PAPPA2: variants seen among roughly 807,000 people sequenced by gnomAD.
The protein encoded by PAPPA2 is pappalysin 2, also known as pappalysin-2.
In PAPPA2, 86 loss-of-function variants were observed where a neutral mutation model predicts 176.4. The ratio of observed to expected loss-of-function variants is 0.49; its 90% CI spans 0.41 to 0.58. PAPPA2 has a LOEUF of 0.58. Among genes scored for constraint, PAPPA2 ranks in the 20% least tolerant of loss-of-function variants. PAPPA2 has a pLI of 0.00. For missense variants in PAPPA2, 2,073 were observed against 2,256.9 expected, an observed-to-expected ratio of 0.92 and a Z score of 1.65; for synonymous variants, 809 against 852.2, an observed-to-expected ratio of 0.95 and a Z score of 0.88.
chr1:176,716,605 T>C (rs957302293), intron 12 of PAPPA2, among the ~76,000 whole-genome samples: 15 of 124,750 alleles, frequency 1.2e-4, no homozygotes, highest in African/African-American at 3.6e-4. Flanking sequence ...CTTCCTTCTT[T>C]TTTTTTTTTT....
chr1:176,782,892 A>G lies in PAPPA2; in HGVS notation c.4716-6917A>G, dbSNP rs1466149720. 4.6e-5 allele frequency among the ~76,000 whole-genome samples: 7 copies of G among 152,168 alleles called. No homozygotes were observed. In the East Asian group the frequency reaches 1.2e-3, roughly 25 times the overall value. On this transcript the variant is annotated intron_variant, in intron 17 of 22. Coordinates refer to ENST00000367662, the MANE Select transcript of PAPPA2 (RefSeq NM_020318.3). The stretch of plus-strand genomic sequence containing the variant: ...AGGTGAGAGTTGGTGGCTTGTGTTA[A>G]TGTTTGTGGTAATGCTGAAGTATAG...
rs12137517 is a variant in PAPPA2, at chr1:176,842,782, G to A, written c.*328G>A. 0.076 allele frequency: 17,348 copies of A among 228,088 alleles called. 741 individuals are homozygous for A. Among genetic ancestry groups the A allele is most frequent in the Non-Finnish European group, 0.087 (10,057 of 115,494 alleles). The allele number at this position is 228,088 out of a possible 1,614,324, so 14.1% of individuals were successfully genotyped here. A position where few individuals can be genotyped will look rare whatever the true frequency, so the allele number is the denominator to read the frequency against. On this transcript the variant is annotated 3_prime_UTR_variant, in exon 23 of 23. Transcript: ENST00000367662. ...ATCCTCAACTCTTGCCCTGCTCTCCGCTCCACCCCCTGCCAACTACTCAGT... is the reference window on the plus strand; with the variant it reads ...ATCCTCAACTCTTGCCCTGCTCTCCACTCCACCCCCTGCCAACTACTCAGT...
chr1:176,795,225 G>GC (rs1181477903), intron 20 of PAPPA2, among the ~76,000 whole-genome samples: 1 of 151,360 alleles, frequency 6.6e-6, no homozygotes, highest in East Asian at 1.9e-4. Context: ...CTTCTTTTCT[G>GC]CCATGCTAAT....
intron 17 of PAPPA2, among the ~76,000 whole-genome samples, chr1:176,776,363 G>A (rs1664457050): frequency 6.6e-6 from 1 of 152,122 alleles, no homozygotes; most frequent in Admixed American, 6.6e-5. Context: ...TCTGTGGGGT[G>A]CTATAGTGTC....
chr1:176,728,945 T>C (rs1337224708), intron 12 of PAPPA2, among the ~76,000 whole-genome samples: 2 of 151,954 alleles, frequency 1.3e-5, no homozygotes, highest in Non-Finnish European at 1.5e-5. Context: ...TTAATTAAGA[T>C]GATGGGAAAA....
At chr1:176,776,772 C>A (rs1190170862) in intron 17 of PAPPA2, among the ~76,000 whole-genome samples, 1 of 151,828 alleles carries the variant, frequency 6.6e-6, no homozygotes, top group Non-Finnish European at 1.5e-5. Context: ...ATTTTGTACA[C>A]AATACCCCAT....
At chr1:176,534,231 C>A (rs958043443) in intron 1 of PAPPA2, among the ~76,000 whole-genome samples, 8 of 152,174 alleles carry the variant, frequency 5.3e-5, no homozygotes, top group Non-Finnish European at 1.2e-4. Flanking sequence ...TAGCATTTCT[C>A]CCCTGTCACC....
chr1:176,564,830 C>T (rs1254138150), intron 2 of PAPPA2, among the ~76,000 whole-genome samples: 1 of 150,304 alleles, frequency 6.7e-6, no homozygotes, highest in East Asian at 2.0e-4. Flanking sequence ...AGACTTATCT[C>T]AACCTATTAT....
rs575399336 is a variant in PAPPA2, at chr1:176,709,788, G to GA, written c.3458-189dup. On this transcript the variant is annotated intron_variant, in intron 10 of 22. Transcript: ENST00000367662. ...ATGGTTTCTACCTTTCTCCCAATGA[G>GA]AAAAAATCCTTATTCTTTAGGGATG... Among the ~76,000 whole-genome samples the GA allele has an allele frequency of 3.1e-3, 478 of 152,100 alleles. 3 individuals are homozygous for GA. The highest frequency in any genetic ancestry group is 8.5e-3 in the African/African-American group (351 of 41,508).
At chr1:176,624,340 G>A (rs1000730456) in intron 3 of PAPPA2, among the ~76,000 whole-genome samples, 1 of 152,140 alleles carries the variant, frequency 6.6e-6, no homozygotes, top group Non-Finnish European at 1.5e-5. Flanking sequence ...GTACTACGGG[G>A]GTTCAGATTT....
Position 176,770,975 on chromosome 1 carries a change from C to T in PAPPA2, c.4510C>T (p.Pro1504Ser), listed in dbSNP as rs759848448. The T allele has an allele frequency of 1.5e-5, 25 of 1,613,802 alleles. 1 individual carries two copies. In the Admixed American group the frequency reaches 2.0e-4, roughly 13 times the overall value. The change falls in exon 17 of 23, where the codon CCA becomes TCA. Residue 1504 changes from proline to serine, a missense_variant. Pro to Ser is a moderately conservative substitution (Grantham distance 74, BLOSUM62 -1). Around this residue, in one of 4 missense-constraint regions of PAPPA2, gnomAD observed 846 missense variants for 857.9 expected, o/e 0.99. Transcript: ENST00000367662. ...VPPAKLQGLSPWLTCLEDGLW... is the reference protein window; with the variant it reads ...VPPAKLQGLSSWLTCLEDGLW... The stretch of plus-strand genomic sequence containing the variant: ...CTCTTTCCTGGAGTCAGGACTGAGC[C>T]CATGGCTGACATGTCTTGAAGATGG...
intron 14 of PAPPA2, among the ~76,000 whole-genome samples, chr1:176,764,808 G>A (rs1663874877): frequency 6.6e-6 from 1 of 152,258 alleles, no homozygotes; most frequent in Admixed American, 6.5e-5. Context: ...GTGTTAGCCA[G>A]GACAGTCTCT....
At chr1:176,636,122 G>A (rs1175816522) in intron 3 of PAPPA2, among the ~76,000 whole-genome samples, 2 of 152,142 alleles carry the variant, frequency 1.3e-5, no homozygotes, top group African/African-American at 2.4e-5. Flanking sequence ...GCATTCTGCT[G>A]TTGAGAACGT....
chr1:176,685,421 C>T (rs1254398574), intron 4 of PAPPA2, among the ~76,000 whole-genome samples: 1 of 152,120 alleles, frequency 6.6e-6, no homozygotes, highest in African/African-American at 2.4e-5. Context: ...CAAAGGCTAC[C>T]TTGTGAGAGA....
intron 21 of PAPPA2, among the ~76,000 whole-genome samples, chr1:176,837,224 T>C (rs1025423309): frequency 3.3e-5 from 5 of 152,036 alleles, no homozygotes; most frequent in Admixed American, 2.0e-4. Context: ...CCTATAACAA[T>C]GAAAATAGGT....
chr1:176,483,203 T>G (rs1265348520), intron 1 of PAPPA2, among the ~76,000 whole-genome samples: 4 of 152,166 alleles, frequency 2.6e-5, no homozygotes, highest in African/African-American at 9.7e-5. Flanking sequence ...CTTTGCTGGT[T>G]CTTTTTCCCT....
At chr1:176,553,652 G>A (rs975510607) in intron 1 of PAPPA2, 9 of 152,022 alleles carry the variant, frequency 5.9e-5, no homozygotes, top group African/African-American at 2.2e-4. Flanking sequence ...TATAGGGGAT[G>A]CAAGATCCCT....
Position 176,800,087 on chromosome 1 carries a change from A to G in PAPPA2, c.5157A>G (p.Gln1719=), listed in dbSNP as rs780947437. The G allele has an allele frequency of 5.6e-6, 9 of 1,613,926 alleles. No individual in the cohort carries two copies. The East Asian group carries it at 6.7e-5, about 12-fold the overall frequency. The change falls in exon 21 of 23, where the codon CAA becomes CAG. Residue 1719 remains glutamine, a synonymous_variant. Coordinates refer to ENST00000367662, the MANE Select transcript of PAPPA2 (RefSeq NM_020318.3). ...GCATTGTGTGCACTGGCCGGCGTCA[A>G]TGGCACCCAGACCCCGTCTTAGTCC... ...VQSIVCTGRR[Q]WHPDPVLVHC...
intron 21 of PAPPA2, among the ~76,000 whole-genome samples, chr1:176,818,478 A>G (rs925186207): frequency 6.6e-6 from 1 of 152,158 alleles, no homozygotes; most frequent in African/African-American, 2.4e-5. Context: ...GTTGCTCAGG[A>G]CAAAATCCTT....
Sources: allele counts gnomAD v4.1 joint callset (sites outside exome capture counted in the v4.1 genomes callset), GRCh38; gene constraint gnomAD v4.1.1; regional missense constraint gnomAD v4.1.1; transcripts MANE v1.5; gene names NCBI Gene and HGNC (gene_info 2026-07-23, HGNC 2026-07-21).